RPGRIP1L: variants seen among roughly 807,000 people sequenced by gnomAD.
The protein encoded by RPGRIP1L is protein fantom.
A neutral mutation model predicts 160.4 loss-of-function variants in RPGRIP1L; 131 were observed. That is an observed-to-expected ratio of 0.82 (90% CI 0.71 to 0.94). RPGRIP1L has a LOEUF of 0.94. RPGRIP1L is among the 40% of genes least tolerant of loss of function. RPGRIP1L has a pLI of 0.00. For missense variants in RPGRIP1L, 1,522 were observed against 1,535.8 expected (o/e 0.99, Z 0.15); for synonymous variants, 510 against 515.8 (o/e 0.99, Z 0.15).
chr16:53,664,625 GA>G (rs1968081553), intron 10 of RPGRIP1L, among the ~76,000 whole-genome samples: 1 of 152,050 alleles, frequency 6.6e-6, no homozygotes, highest in Non-Finnish European at 1.5e-5. Context: ...TAGGAAAATT[GA>G]ACAATTAAAA....
chr16:53,671,865 T>C (rs112129148), intron 8 of RPGRIP1L, among the ~76,000 whole-genome samples: 2 of 152,256 alleles, frequency 1.3e-5, no homozygotes, highest in African/African-American at 4.8e-5. Context: ...AAAGAATATG[T>C]TAAGAGCTTG....
Position 53,619,086 on chromosome 16 carries a change from C to T in RPGRIP1L, c.3555G>A (p.Glu1185=), listed in dbSNP as rs2150964438. ...TGGGTTTTGGAAGTGACACGGGTGT[C>T]TCTTCAGCAGGAAGACTGTAGAATC... is the stretch of plus-strand genomic sequence containing the variant. ...ECRFYSLPAE[E]TPVSLPKPKS... is the part of the protein sequence containing the mutation. The change falls in exon 24 of 27, where the codon GAG becomes GAA. Residue 1185 remains glutamate (E), a synonymous_variant. Transcript: ENST00000647211. The T allele has an allele frequency of 1.9e-6, 3 of 1,614,124 alleles. No homozygotes were observed. The highest frequency in any genetic ancestry group is 2.2e-5 in the South Asian group (2 of 91,078).
chr16:53,671,636 G>A (rs1486511393), intron 8 of RPGRIP1L, 53 bp from the exon 9 acceptor site: 2 of 927,812 alleles, frequency 2.2e-6, no homozygotes, highest in African/African-American at 3.4e-5. Flanking sequence ...AAACCACTTG[G>A]GGGTAAAAAA....
Position 53,665,244 on chromosome 16 carries a change from G to A in RPGRIP1L, c.1104-235C>T, listed in dbSNP as rs1968144844. Among the ~76,000 whole-genome samples, 9 of 152,070 alleles carry A rather than the reference G, an allele frequency of 5.9e-5. No individual in the cohort carries two copies. The South Asian group carries it at 1.9e-3, about 32-fold the overall frequency. On this transcript the variant is annotated intron_variant, in intron 9 of 26. Coordinates refer to ENST00000647211, the MANE Select transcript of RPGRIP1L (RefSeq NM_015272.5). ...ACTGGCCTTAATTTAGAGCTCTAAA[G>A]TCAGAAAAGTTGGCAGTATGCAGCT...
intron 20 of RPGRIP1L, 145 bp downstream of exon 20, chr16:53,638,165 C>T: frequency 1.5e-6 from 1 of 651,734 alleles, no homozygotes. Context: ...TTACCCTTGT[C>T]ATATTTTTGA....
intron 22 of RPGRIP1L, among the ~76,000 whole-genome samples, chr16:53,624,600 G>A (rs1964954637): frequency 6.6e-6 from 1 of 151,950 alleles, no homozygotes; most frequent in East Asian, 1.9e-4. Flanking sequence ...ATTATTAACT[G>A]CCGAGAAATA....
In RPGRIP1L at chr16:53,703,784, C is replaced by G; in HGVS notation, c.-8+19G>C. 1 of 350,988 alleles carries G rather than the reference C, an allele frequency of 2.8e-6. No individual in the cohort carries two copies. The highest frequency in any genetic ancestry group is 2.6e-5 in the South Asian group (1 of 38,212). The allele number at this position is 350,988 out of a possible 1,614,324, so 21.7% of individuals were successfully genotyped here. A position where few individuals can be genotyped will look rare whatever the true frequency, so the allele number is the denominator to read the frequency against. Reference sequence around the variant, plus strand: ...ACCTCCACCCACCCTCATCCTCCCCCATCCTCCCGGGTACTCACCGTGCCA... The same window carrying G: ...ACCTCCACCCACCCTCATCCTCCCCGATCCTCCCGGGTACTCACCGTGCCA... On this transcript the variant is annotated intron_variant, in intron 1 of 26. Coordinates refer to ENST00000647211, the MANE Select transcript of RPGRIP1L (RefSeq NM_015272.5).
intron 1 of RPGRIP1L, 36 bp downstream of exon 1, chr16:53,703,767 C>T (rs904902813): frequency 2.1e-5 from 7 of 329,612 alleles, no homozygotes; most frequent in Non-Finnish European, 3.6e-5. Flanking sequence ...CAACCTCCAC[C>T]CACCCTCATC....
chr16:53,646,758 C>T (rs1409028218), intron 16 of RPGRIP1L, among the ~76,000 whole-genome samples: 5 of 152,202 alleles, frequency 3.3e-5, no homozygotes, highest in African/African-American at 9.6e-5. Flanking sequence ...GGAGTCTCTA[C>T]ATTCCACAAA....
intron 22 of RPGRIP1L, among the ~76,000 whole-genome samples, chr16:53,624,763 C>T (rs569049533): frequency 6.4e-5 from 9 of 141,076 alleles, no homozygotes; most frequent in South Asian, 2.6e-4. Flanking sequence ...CTCCCCCTCC[C>T]CCTCCCCCTC....
intron 22 of RPGRIP1L, among the ~76,000 whole-genome samples, chr16:53,634,397 T>C (rs1426663046): frequency 6.6e-6 from 1 of 152,140 alleles, no homozygotes; most frequent in Non-Finnish European, 1.5e-5. Context: ...GATGATACCA[T>C]TTTACTAAAT....
At chr16:53,615,517 A>G (rs1016702607) in intron 24 of RPGRIP1L, among the ~76,000 whole-genome samples, 10 of 126,946 alleles carry the variant, frequency 7.9e-5, no homozygotes, top group African/African-American at 2.6e-4. Context: ...TCTGTCACCC[A>G]GTCTGGAGTG....
chr16:53,609,291 T>C (rs1963880573), intron 25 of RPGRIP1L, among the ~76,000 whole-genome samples: 1 of 151,788 alleles, frequency 6.6e-6, no homozygotes, highest in African/African-American at 2.4e-5. Context: ...AGATGGGGAG[T>C]CTCACTATGT....
chr16:53,673,803 C>T (rs1423134347), intron 7 of RPGRIP1L, among the ~76,000 whole-genome samples: 1 of 152,032 alleles, frequency 6.6e-6, no homozygotes, highest in African/African-American at 2.4e-5. Context: ...TTTTTCTAGG[C>T]TCCACACTTC....
At chr16:53,638,008 A>G (rs951623252) in intron 20 of RPGRIP1L, among the ~76,000 whole-genome samples, 154 bp from the exon 21 acceptor site, 1 of 152,160 alleles carries the variant, frequency 6.6e-6, no homozygotes, top group Non-Finnish European at 1.5e-5. Context: ...AACCACTTCA[A>G]TTTGTACAAA....
intron 10 of RPGRIP1L, among the ~76,000 whole-genome samples, chr16:53,664,285 A>C (rs1968055301): frequency 1.3e-5 from 2 of 152,124 alleles, no homozygotes; most frequent in Non-Finnish European, 2.9e-5. Flanking sequence ...GGGGCACAAA[A>C]CTTTCTGGTA....
intron 6 of RPGRIP1L, among the ~76,000 whole-genome samples, chr16:53,684,596 G>T: frequency 6.6e-6 from 1 of 151,414 alleles, no homozygotes; most frequent in African/African-American, 2.4e-5. Context: ...ACTGTTATGG[G>T]TGGGGGTTGG....
At chr16:53,638,598 T>C (rs905245915) in intron 19 of RPGRIP1L, among the ~76,000 whole-genome samples, 187 bp from the exon 20 acceptor site, 4 of 151,670 alleles carry the variant, frequency 2.6e-5, no homozygotes, top group Admixed American at 6.6e-5. Context: ...TATAAATATA[T>C]ATGTAATTTA....
At chr16:53,614,012 A>T (rs913666066) in intron 24 of RPGRIP1L, among the ~76,000 whole-genome samples, 1 of 152,176 alleles carries the variant, frequency 6.6e-6, no homozygotes, top group Non-Finnish European at 1.5e-5. Context: ...ATATGAAGCC[A>T]AAGTTTTCCT....
Sources: gnomAD v4.1 joint callset for allele counts (sites outside exome capture counted in the v4.1 genomes callset) on GRCh38, gnomAD v4.1.1 for gene constraint, MANE v1.5 for transcripts, NCBI Gene and HGNC (gene_info 2026-07-23, HGNC 2026-07-21) for gene names.